RGS7: variants seen among roughly 807,000 people sequenced by gnomAD.
RGS7 encodes the protein regulator of G protein signaling 7.
Under a neutral mutation model 81.1 loss-of-function variants are expected in RGS7, and 27 were observed. That is an observed-to-expected ratio of 0.33 (90% CI 0.25 to 0.46). The LOEUF is 0.46. Ranked by LOEUF, RGS7 falls within the 20% of genes least tolerant of loss-of-function variation. The pLI is 1.00. For missense variants in RGS7, 396 were observed against 607.4 expected (o/e 0.65, Z 3.66); for synonymous variants, 208 against 207.7 (o/e 1.00, Z -0.01).
At chr1:241,090,450 A>C (rs1415406707) in intron 3 of RGS7, among the ~76,000 whole-genome samples, 1 of 152,188 alleles carries the variant, frequency 6.6e-6, no homozygotes, top group Non-Finnish European at 1.5e-5. Context: ...TACCCAAGCG[A>C]AAATACTGTA....
Position 241,268,120 on chromosome 1 carries a change from T to C in RGS7, c.78+87579A>G, listed in dbSNP as rs565118990. ...TGACTGGGCAGTGAGAGCTTTTTTA[T>C]TGGGACACACCCAAAGTCACTGTCT... On this transcript the variant is annotated intron_variant, in intron 2 of 18. Transcript: ENST00000440928. 9.8e-5 allele frequency among the ~76,000 whole-genome samples: 15 copies of C among 152,316 alleles called. No individual in the cohort carries two copies. The South Asian group carries it at 1.0e-3, about 11-fold the overall frequency.
intron 2 of RGS7, among the ~76,000 whole-genome samples, chr1:241,268,340 C>T (rs187857394): frequency 2.3e-3 from 346 of 152,334 alleles, no homozygotes; most frequent in Non-Finnish European, 2.9e-3. Context: ...CTATTGGCAT[C>T]CTGGGCTCTA....
At chr1:241,060,460 CT>C (rs1178244966) in intron 3 of RGS7, among the ~76,000 whole-genome samples, 3 of 151,880 alleles carry the variant, frequency 2.0e-5, no homozygotes, top group African/African-American at 4.8e-5. Flanking sequence ...ATCAATCAAC[CT>C]TTTTTTTCTC....
chr1:240,973,267 C>A (rs560683287), intron 4 of RGS7, among the ~76,000 whole-genome samples: 19 of 152,164 alleles, frequency 1.2e-4, no homozygotes, highest in Non-Finnish European at 2.4e-4. Flanking sequence ...CGCCTGTATT[C>A]CAGCGCTTTG....
intron 2 of RGS7, among the ~76,000 whole-genome samples, chr1:241,254,972 A>C (rs923113150): frequency 6.6e-6 from 1 of 152,164 alleles, no homozygotes; most frequent in Non-Finnish European, 1.5e-5. Context: ...CCAACCAACT[A>C]TCCTTCTACA....
intron 3 of RGS7, among the ~76,000 whole-genome samples, chr1:241,080,057 C>T (rs568352126): frequency 2.7e-4 from 41 of 152,000 alleles, no homozygotes; most frequent in Non-Finnish European, 4.9e-4. Flanking sequence ...CTGACTTTGA[C>T]GATTTTATTC....
At chr1:240,879,766 T>A (rs925862186) in intron 6 of RGS7, among the ~76,000 whole-genome samples, 1 of 152,242 alleles carries the variant, frequency 6.6e-6, no homozygotes, top group African/African-American at 2.4e-5. Flanking sequence ...AATTAGCATA[T>A]CTTCACTCCC....
intron 2 of RGS7, among the ~76,000 whole-genome samples, chr1:241,316,819 T>C (rs540468284): frequency 6.6e-6 from 1 of 152,224 alleles, no homozygotes; most frequent in South Asian, 2.1e-4. Context: ...TTTCAGAAGA[T>C]GAATGTCAAA....
intron 3 of RGS7, among the ~76,000 whole-genome samples, chr1:241,029,272 T>A (rs1456861413): frequency 1.3e-5 from 2 of 152,164 alleles, no homozygotes; most frequent in Admixed American, 1.3e-4. Flanking sequence ...CACTTTCTTT[T>A]AGCTTCAGGC....
intron 3 of RGS7, among the ~76,000 whole-genome samples, chr1:241,011,889 A>C (rs574544090): frequency 6.6e-6 from 1 of 152,266 alleles, no homozygotes; most frequent in Non-Finnish European, 1.5e-5. Flanking sequence ...ATTGTACCTA[A>C]GGTGGATGCA....
rs145159114 is a variant in RGS7, at chr1:241,277,966, C to G, written c.78+77733G>C. 6.2e-4 allele frequency among the ~76,000 whole-genome samples: 94 copies of G among 152,310 alleles called. No homozygotes were observed. In the East Asian group the frequency reaches 0.015, roughly 25 times the overall value. Reference sequence around the variant, plus strand: ...TCTCTTCTTCAGGAATAGCAAATATCTGTTTGTCGATTCACTTTGTCTTCC... The same window carrying G: ...TCTCTTCTTCAGGAATAGCAAATATGTGTTTGTCGATTCACTTTGTCTTCC... On this transcript the variant is annotated intron_variant, in intron 2 of 18. Coordinates refer to ENST00000440928, the MANE Select transcript of RGS7 (RefSeq NM_001364886.1).
intron 2 of RGS7, among the ~76,000 whole-genome samples, chr1:241,139,814 A>C (rs2067798206): frequency 6.6e-6 from 1 of 152,252 alleles, no homozygotes; most frequent in African/African-American, 2.4e-5. Flanking sequence ...TTCAAAATAC[A>C]TTCATTTGAC....
chr1:240,986,571 A>ATT (rs1172119682), intron 3 of RGS7, among the ~76,000 whole-genome samples: 1,968 of 4,336 alleles, frequency 0.45, 875 homozygotes, highest in Non-Finnish European at 0.57. Context: ...CACCACTATT[A>ATT]TTTTTTTTTT....
rs572590747 is a variant in RGS7 at position 241,071,749 on chromosome 1, C to T, written c.175+26917G>A. Among the ~76,000 whole-genome samples the T allele has an allele frequency of 3.6e-4, 55 of 151,040 alleles. No individual in the cohort carries two copies. In the Middle Eastern group the frequency reaches 0.01, roughly 28 times the overall value. ...ATTAGCTGGGCATGGTGGTATGTGC[C>T]TGTAGACCCAGCTACTTGGGAGGCT... On this transcript the variant is annotated intron_variant, in intron 3 of 18. Coordinates refer to ENST00000440928, the MANE Select transcript of RGS7 (RefSeq NM_001364886.1).
At chr1:240,946,971 A>G (rs1572906449) in intron 4 of RGS7, among the ~76,000 whole-genome samples, 1 of 152,380 alleles carries the variant, frequency 6.6e-6, no homozygotes, top group East Asian at 1.9e-4. Flanking sequence ...GCATTGAAAC[A>G]TCACATCATA....
At chr1:240,802,029 A>G (rs1394836902) in intron 16 of RGS7, among the ~76,000 whole-genome samples, 1 of 152,162 alleles carries the variant, frequency 6.6e-6, no homozygotes. Flanking sequence ...TATAATTTTA[A>G]TTAACTAATA....
At position 241,145,889 on chromosome 1, in the gene RGS7, T is replaced by C. The variant is rs2068277100; in HGVS notation, c.79-47127A>G. On this transcript the variant is annotated intron_variant, in intron 2 of 18. Coordinates refer to ENST00000440928, the MANE Select transcript of RGS7 (RefSeq NM_001364886.1). ...AGTTTCCTTGAATATTTTCCTACTT[T>C]GCATATTTCCCAAGATGCTTTTTCC... Among the ~76,000 whole-genome samples the C allele has an allele frequency of 2.6e-5, 4 of 152,264 alleles. No homozygotes were observed. In the South Asian group the frequency reaches 8.3e-4, roughly 31 times the overall value.
intron 9 of RGS7, among the ~76,000 whole-genome samples, chr1:240,854,008 T>G (rs1660632043): frequency 6.6e-6 from 1 of 151,564 alleles, no homozygotes; most frequent in Non-Finnish European, 1.5e-5. Flanking sequence ...TTCAGGAATG[T>G]TCTCTTGGGA....
intron 2 of RGS7, among the ~76,000 whole-genome samples, chr1:241,221,011 A>AGAGAG (rs1175884429): frequency 1.8e-3 from 63 of 35,498 alleles, no homozygotes; most frequent in African/African-American, 6.7e-3. Context: ...GAGAGAAAGG[A>AGAGAG]AGGAAGGAAG....
Sources: gnomAD v4.1 joint callset for allele counts (sites outside exome capture counted in the v4.1 genomes callset) on GRCh38, gnomAD v4.1.1 for gene constraint, MANE v1.5 for transcripts, NCBI Gene and HGNC (gene_info 2026-07-23, HGNC 2026-07-21) for gene names.